Variants in HTT observed in about 807,000 individuals in gnomAD.
The protein encoded by HTT is huntingtin.
A neutral mutation model predicts 362.3 loss-of-function variants in HTT; 104 were observed. The ratio of observed to expected loss-of-function variants is 0.29; its 90% confidence interval spans 0.24 to 0.34. The LOEUF (loss-of-function observed/expected upper bound fraction) is 0.34. HTT is among the 10% of genes least tolerant of loss of function. The pLI is 1.00. For synonymous variants in HTT, 1,577 were observed against 1,548.7 expected, an observed-to-expected ratio of 1.02 and a Z score of -0.43; for missense variants, 3,301 against 3,928.6, an observed-to-expected ratio of 0.84 and a Z score of 4.27.
intron 27 of HTT, 61 bp from the exon 28 acceptor site, chr4:3,157,011 T>C (rs916524485): frequency 7.1e-7 from 1 of 1,417,120 alleles, no homozygotes; most frequent in Admixed American, 2.3e-5. Context: ...CAGTAATCTC[T>C]TTAAAACTTG....
At chr4:3,078,482 A>G (rs1480007098) in intron 1 of HTT, among the ~76,000 whole-genome samples, 1 of 152,252 alleles carries the variant, frequency 6.6e-6, no homozygotes, top group African/African-American at 2.4e-5. Flanking sequence ...AAAAATTGTT[A>G]AGGGCTTTCC....
At chr4:3,152,971 C>T (rs1361945511) in intron 26 of HTT, among the ~76,000 whole-genome samples, 3 of 152,088 alleles carry the variant, frequency 2.0e-5, no homozygotes, top group Non-Finnish European at 4.4e-5. Context: ...TTACTGTCTG[C>T]ATTTCTTCCC....
chr4:3,126,442 G>T (rs1278558242), intron 11 of HTT, among the ~76,000 whole-genome samples: 2 of 152,080 alleles, frequency 1.3e-5, no homozygotes, highest in African/African-American at 4.8e-5. Flanking sequence ...ATTATATGAG[G>T]GTGGTTTTGG....
intron 59 of HTT, 128 bp downstream of exon 59, chr4:3,229,137 A>C: frequency 2.3e-6 from 2 of 873,790 alleles, no homozygotes; most frequent in Non-Finnish European, 3.5e-6. Flanking sequence ...CATGCAACAC[A>C]CACACAGGCC....
chr4:3,163,452 G>A (rs1717541294), intron 29 of HTT, among the ~76,000 whole-genome samples: 2 of 152,190 alleles, frequency 1.3e-5, no homozygotes, highest in Admixed American at 1.3e-4. Flanking sequence ...AAATGAGTTA[G>A]GGAGGATTCT....
chr4:3,183,604 C>T (rs1475488610), intron 37 of HTT, among the ~76,000 whole-genome samples: 4 of 152,180 alleles, frequency 2.6e-5, no homozygotes, highest in African/African-American at 9.7e-5. Flanking sequence ...GGAATGTTAT[C>T]TTGAGACCAG....
At chr4:3,183,069 A>G (rs1299697157) in intron 37 of HTT, among the ~76,000 whole-genome samples, 1 of 152,122 alleles carries the variant, frequency 6.6e-6, no homozygotes, top group Non-Finnish European at 1.5e-5. Flanking sequence ...TTTAGTAGAG[A>G]TGAGGTCTCG....
intron 1 of HTT, among the ~76,000 whole-genome samples, chr4:3,076,786 T>C (rs1190668429): frequency 6.6e-6 from 1 of 152,234 alleles, no homozygotes; most frequent in East Asian, 1.9e-4. Context: ...TTTGCTTATC[T>C]TCAAAATATG....
chr4:3,103,426 A>G (rs184019896), intron 3 of HTT, among the ~76,000 whole-genome samples: 1 of 151,778 alleles, frequency 6.6e-6, no homozygotes, highest in Non-Finnish European at 1.5e-5. Context: ...GAGTTTCTCC[A>G]TGTTGGTCAG....
chr4:3,236,627 G>A (rs942481654), intron 64 of HTT, among the ~76,000 whole-genome samples: 12 of 152,188 alleles, frequency 7.9e-5, no homozygotes, highest in Non-Finnish European at 1.5e-4. Flanking sequence ...GCTGCCTATC[G>A]TGAGAGGGGA....
chr4:3,148,082 G>T lies in HTT; in HGVS notation c.3373G>T (p.Val1125Phe). ...ANPAATKQEE[V>F]WPALGDRALV... is the part of the protein sequence containing the mutation. ...CCCAGCAGCCACCAAGCAAGAGGAG[G>T]TCTGGCCAGCCCTGGGGGACCGGGC... The change falls in exon 26 of 67, where the codon GTC becomes TTC. Residue 1125 changes from valine to phenylalanine, a missense_variant. Physicochemically the swap from Val to Phe is conservative, Grantham distance 50. This residue lies in a region of HTT where 2,316 missense variants were observed against 2,658.5 expected (regional missense o/e 0.87). Transcript: ENST00000355072. 16 of 1,614,188 alleles carry T rather than the reference G, an allele frequency of 9.9e-6. No homozygotes were observed. The highest frequency in any genetic ancestry group is 1.4e-5 in the Non-Finnish European group (16 of 1,180,018).
chr4:3,174,767 C>T lies in HTT; in HGVS notation c.4213C>T (p.Leu1405Phe). 6.2e-7 allele frequency: 1 copy of T among 1,614,160 alleles called. No individual in the cohort carries two copies. Among genetic ancestry groups the T allele is most frequent in the Non-Finnish European group, 8.5e-7 (1 of 1,180,022 alleles). Reference sequence around the variant, plus strand: ...AGTGTCTACCCAGTTGAAGACAAACCTCACGAGTGTCACAAAGAACCGTGC... The same window carrying T: ...AGTGTCTACCCAGTTGAAGACAAACTTCACGAGTGTCACAAAGAACCGTGC... ...QKVSTQLKTN[L>F]TSVTKNRADK... The change falls in exon 32 of 67, where the codon CTC becomes TTC. Residue 1405 changes from leucine to phenylalanine, a missense_variant. Leu to Phe is a conservative substitution (Grantham distance 22, BLOSUM62 0). Transcript: ENST00000355072.
intron 2 of HTT, among the ~76,000 whole-genome samples, chr4:3,090,092 C>T (rs763129234): frequency 6.6e-6 from 1 of 152,146 alleles, no homozygotes; most frequent in Non-Finnish European, 1.5e-5. Flanking sequence ...TGTTAACTCT[C>T]CTAAAATATA....
rs1269192302 is a variant in HTT, at chr4:3,160,397, G to C, written c.3864+5G>C. On this transcript the variant is annotated splice_donor_5th_base_variant and intron_variant, in intron 29 of 66. Coordinates refer to ENST00000355072, the MANE Select transcript of HTT (RefSeq NM_001388492.1). ...ACACTGCAGGACATTGGGAAGGTTT[G>C]TGTCTTGTTTTTTCTCCTTGGGTTG... The C allele has an allele frequency of 6.5e-7, 1 of 1,532,368 alleles. No individual in the cohort carries two copies. Among genetic ancestry groups the C allele is most frequent in the Non-Finnish European group, 8.9e-7 (1 of 1,128,736 alleles). The allele number at this position is 1,532,368 out of a possible 1,614,324, so 94.9% of individuals were successfully genotyped here.
rs1715728282 is a variant in HTT, at chr4:3,130,053, T to C, written c.1867+6T>C. 6.2e-7 allele frequency: 1 copy of C among 1,601,348 alleles called. No homozygotes were observed. Among genetic ancestry groups the C allele is most frequent in the Non-Finnish European group, 8.5e-7 (1 of 1,174,694 alleles). Reference sequence around the variant, plus strand: ...CTTCAGGAACTCTTCCATGGGTATGTGGACTACAGGTGATGCGCTACAAAG... The same window carrying C: ...CTTCAGGAACTCTTCCATGGGTATGCGGACTACAGGTGATGCGCTACAAAG... On this transcript the variant is annotated splice_donor_region_variant and intron_variant, in intron 13 of 66. Coordinates refer to ENST00000355072, the MANE Select transcript of HTT (RefSeq NM_001388492.1).
intron 45 of HTT, among the ~76,000 whole-genome samples, chr4:3,208,512 T>C (rs754515321): frequency 3.3e-5 from 5 of 152,256 alleles, no homozygotes; most frequent in Admixed American, 6.5e-5. Flanking sequence ...ATGAAATTTC[T>C]GGAAAATATT....
intron 7 of HTT, among the ~76,000 whole-genome samples, chr4:3,115,672 TG>T (rs1714985121): frequency 6.6e-6 from 1 of 152,186 alleles, no homozygotes; most frequent in African/African-American, 2.4e-5. Context: ...GTGTGAGCCC[TG>T]TCTGCCACCC....
intron 56 of HTT, 26 bp from the exon 57 acceptor site, chr4:3,225,635 A>G: frequency 6.2e-7 from 1 of 1,607,010 alleles, no homozygotes; most frequent in Non-Finnish European, 8.5e-7. Flanking sequence ...TGTGCAGATC[A>G]AGACTCAGGG....
chr4:3,153,425 C>T (rs1716995349), intron 26 of HTT, among the ~76,000 whole-genome samples: 1 of 152,182 alleles, frequency 6.6e-6, no homozygotes, highest in Non-Finnish European at 1.5e-5. Flanking sequence ...ATCTTGCCTT[C>T]ACTCTGCTCC....
Sources: gnomAD v4.1 joint callset for allele counts (sites outside exome capture counted in the v4.1 genomes callset) on GRCh38, gnomAD v4.1.1 for gene constraint, gnomAD v4.1.1 regional missense constraint, MANE v1.5 for transcripts, NCBI Gene and HGNC (gene_info 2026-07-23, HGNC 2026-07-21) for gene names.